ZPBP: variants seen among roughly 807,000 people sequenced by gnomAD.
The protein encoded by ZPBP is zona pellucida binding protein, also known as zona pellucida-binding protein 1.
ZPBP carries 26 observed loss-of-function variants against 44.8 expected under a neutral mutation model. The ratio of observed to expected loss-of-function variants is 0.58; its 90% CI spans 0.43 to 0.81. The LOEUF is 0.81. Among genes scored for constraint, ZPBP ranks in the 30% least tolerant of loss-of-function variants. The pLI is 0.00. For missense variants in ZPBP, 409 were observed against 434.0 expected (o/e 0.94, Z 0.51); for synonymous variants, 174 against 153.2 (o/e 1.14, Z -1.00).
At chr7:50,018,424 A>T in intron 5 of ZPBP, 108 bp from the exon 6 acceptor site, 1 of 940,398 alleles carries the variant, frequency 1.1e-6, no homozygotes, top group South Asian at 1.6e-5. Flanking sequence ...TTCCATTAAA[A>T]TATTAAGCAA....
chr7:50,042,338 C>G lies in ZPBP; in HGVS notation c.488-11028G>C, dbSNP rs554237435. Reference sequence around the variant, plus strand: ...AAATACAAAGAGCACCACAAAGATACTCCTCAAGAAGAGCAACCCCAAGAC... The same window carrying G: ...AAATACAAAGAGCACCACAAAGATAGTCCTCAAGAAGAGCAACCCCAAGAC... On this transcript the variant is annotated intron_variant, in intron 4 of 7. Transcript: ENST00000046087. Among the ~76,000 whole-genome samples, 4 of 152,238 alleles carry G rather than the reference C, an allele frequency of 2.6e-5. No homozygotes were observed. The East Asian group carries it at 7.7e-4, about 29-fold the overall frequency.
intron 7 of ZPBP, among the ~76,000 whole-genome samples, chr7:49,965,723 G>A (rs1157292049): frequency 6.6e-6 from 1 of 152,002 alleles, no homozygotes; most frequent in East Asian, 1.9e-4. Context: ...TAAAACGGAT[G>A]TCTACAATAG....
rs1489299232 is a variant in ZPBP at position 50,058,241 on chromosome 7, G to A, written c.335-100C>T. Reference sequence around the variant, plus strand: ...AAAACCATCATAATTTACCAACACAGTCAATGAAAGGAGTGGGGGGCATAG... The same window carrying A: ...AAAACCATCATAATTTACCAACACAATCAATGAAAGGAGTGGGGGGCATAG... On this transcript the variant is annotated intron_variant, in intron 3 of 7. Transcript: ENST00000046087. 5.5e-6 allele frequency: 7 copies of A among 1,263,598 alleles called. No individual in the cohort carries two copies. In the African/African-American group the frequency reaches 7.3e-5, roughly 13 times the overall value. The allele number at this position is 1,263,598 out of a possible 1,614,324, so 78.3% of individuals were successfully genotyped here.
At chr7:49,888,758 A>G (rs1245187922) in intron 2 of ZPBP, among the ~76,000 whole-genome samples, 1 of 152,112 alleles carries the variant, frequency 6.6e-6, no homozygotes. Context: ...TAAAAATACA[A>G]AAATTAGCCA....
intron 6 of ZPBP, among the ~76,000 whole-genome samples, chr7:49,993,654 A>G (rs1418601540): frequency 1.3e-5 from 2 of 152,236 alleles, no homozygotes; most frequent in Non-Finnish European, 2.9e-5. Context: ...AATGTAATCA[A>G]CCTGTCACCA....
At chr7:50,025,743 ATG>A (rs1343853474) in intron 5 of ZPBP, among the ~76,000 whole-genome samples, 1 of 152,028 alleles carries the variant, frequency 6.6e-6, no homozygotes, top group Middle Eastern at 3.4e-3. Flanking sequence ...GCATGTAAAA[ATG>A]TGTGTGTCTA....
At chr7:49,841,154 T>C in the ZPBP span, among the ~76,000 whole-genome samples, 1 of 152,308 alleles carries the variant, frequency 6.6e-6, no homozygotes, top group African/African-American at 2.4e-5. Context: ...CAGGAGGGAT[T>C]CCAGAGCAAG....
chr7:50,072,231 G>A (rs545939053), intron 3 of ZPBP, among the ~76,000 whole-genome samples: 3 of 152,340 alleles, frequency 2.0e-5, no homozygotes, highest in Admixed American at 2.0e-4. Context: ...CTGGCCTGGG[G>A]GTGGTGGTGG....
intron 2 of ZPBP, 92 bp from the exon 3 acceptor site, chr7:50,081,991 T>A: frequency 7.0e-7 from 1 of 1,423,770 alleles, no homozygotes; most frequent in Non-Finnish European, 9.7e-7. Flanking sequence ...TTACATGCAA[T>A]AATAAGAGTA....
intron 3 of ZPBP, among the ~76,000 whole-genome samples, chr7:50,078,667 A>C (rs1020475444): frequency 2.6e-5 from 4 of 151,612 alleles, no homozygotes; most frequent in African/African-American, 9.7e-5. Flanking sequence ...AGCTTTCATG[A>C]ACAAGACTCC....
intron 7 of ZPBP, among the ~76,000 whole-genome samples, chr7:49,960,314 G>A (rs1795808789): frequency 6.6e-6 from 1 of 151,850 alleles, no homozygotes; most frequent in African/African-American, 2.4e-5. Context: ...TCAGCTACTC[G>A]AGAGGCTGAG....
chr7:49,854,615 C>T (rs1785204885), intron 2 of ZPBP, among the ~76,000 whole-genome samples: 1 of 152,096 alleles, frequency 6.6e-6, no homozygotes, highest in African/African-American at 2.4e-5. Context: ...GGATATTAGC[C>T]CTTTGTCAGA....
intron 5 of ZPBP, 142 bp from the exon 6 acceptor site, chr7:50,018,458 TC>T: frequency 1.5e-6 from 1 of 664,292 alleles, no homozygotes; most frequent in South Asian, 2.2e-5. Context: ...AAATGACTCT[TC>T]AGCAAAAAAC....
At chr7:49,857,009 C>CAAAAAAAAAAAAAAAAAAAAA (rs59910243) in intron 2 of ZPBP, among the ~76,000 whole-genome samples, 2 of 52,786 alleles carry the variant, frequency 3.8e-5, no homozygotes, top group Non-Finnish European at 6.3e-5. Context: ...GATACTGTCT[C>CAAAAAAAAAAAAAAAAAAAAA]AAAAAAAAAA....
At chr7:50,088,158 C>G (rs2128856765) in intron 2 of ZPBP, among the ~76,000 whole-genome samples, 1 of 152,038 alleles carries the variant, frequency 6.6e-6, no homozygotes, top group East Asian at 1.9e-4. Flanking sequence ...AATACGAGTG[C>G]CAAGCCAATT....
intron 1 of ZPBP, among the ~76,000 whole-genome samples, chr7:49,928,214 ACTGGGTTACTAAGGTTATTTG>A (rs1452738591): frequency 6.6e-6 from 1 of 152,150 alleles, no homozygotes; most frequent in Non-Finnish European, 1.5e-5. Flanking sequence ...CATGTTGTCC[ACTGGGTTACTAAGGTTATTTG>A]CTGAGTTTCT....
At chr7:49,980,368 G>C in intron 7 of ZPBP, among the ~76,000 whole-genome samples, 1 of 139,078 alleles carries the variant, frequency 7.2e-6, no homozygotes, top group East Asian at 2.1e-4. Flanking sequence ...TAATTTTTCA[G>C]TCTTAAAAGA....
Position 49,892,031 on chromosome 7 carries a change from ATTTTTTTTT to A in ZPBP, n.509+9078_509+9086del, listed in dbSNP as rs536880676. On this transcript the variant is annotated intron_variant and non_coding_transcript_variant, in intron 2 of 2. Transcript: ENST00000465922. The stretch of plus-strand genomic sequence containing the variant: ...GCAGTTGGCAGAACAGACAAAGTAG[ATTTTTTTTT>A]TTTTTTTTTTTTTTTTTTTTTTGAG... Among the ~76,000 whole-genome samples, 38 of 53,288 alleles carry A rather than the reference ATTTTTTTTT, an allele frequency of 7.1e-4. 2 individuals are homozygous for A. In the South Asian group the frequency reaches 0.016, roughly 22 times the overall value. The allele number at this position is 53,288 out of a possible 152,430, so 35.0% of individuals were successfully genotyped here.
intron 6 of ZPBP, among the ~76,000 whole-genome samples, chr7:49,993,371 T>G (rs1429603962): frequency 6.6e-6 from 1 of 151,910 alleles, no homozygotes; most frequent in Non-Finnish European, 1.5e-5. Context: ...AAAGAACAGA[T>G]AGGAAAAATA....
Sources: allele counts gnomAD v4.1 joint callset (sites outside exome capture counted in the v4.1 genomes callset), GRCh38; gene constraint gnomAD v4.1.1; transcripts MANE v1.5; gene names NCBI Gene and HGNC (gene_info 2026-07-23, HGNC 2026-07-21).